The following MAPK8IP3 variants were observed in gnomAD, a reference collection of about 807,000 sequenced individuals.
The protein encoded by MAPK8IP3 is C-Jun-amino-terminal kinase-interacting protein 3.
In MAPK8IP3, 49 loss-of-function variants were observed where a neutral mutation model predicts 157.8. The observed-to-expected ratio is 0.31, with a 90% CI of 0.25 to 0.39. The LOEUF (loss-of-function observed/expected upper bound fraction) is 0.39, where lower values mean the gene tolerates loss of function less well. Among genes scored for constraint, MAPK8IP3 ranks in the 10% least tolerant of loss-of-function variants. MAPK8IP3 has a pLI of 1.00. For missense variants in MAPK8IP3, 1,478 were observed against 1,889.4 expected (o/e 0.78, Z 4.04); for synonymous variants, 897 against 777.7 (o/e 1.15, Z -2.55).
intron 4 of MAPK8IP3, among the ~76,000 whole-genome samples, chr16:1,732,990 C>T (rs553698111): frequency 1.1e-4 from 17 of 152,374 alleles, no homozygotes; most frequent in African/African-American, 3.1e-4. Context: ...TCGCAGCTCC[C>T]GTCTCGTGGC....
chr16:1,724,821 G>C lies in MAPK8IP3; in HGVS notation c.439+144G>C. 1.8e-6 allele frequency: 2 copies of C among 1,104,518 alleles called. No individual in the cohort carries two copies. The highest frequency in any genetic ancestry group is 3.2e-5 in the South Asian group (2 of 61,820). The allele number at this position is 1,104,518 out of a possible 1,614,324, so 68.4% of individuals were successfully genotyped here. On this transcript the variant is annotated intron_variant, in intron 2 of 31. Coordinates refer to ENST00000610761, the MANE Select transcript of MAPK8IP3 (RefSeq NM_001318852.2). This position sits in a 1 kb window ranked among gnomAD's most constrained non-coding sequence, Gnocchi z 4.1. ...CCTCAGCCATGTATTCCAGCTCTTT[G>C]TACTGCTGCCTGTTTCTGTAATGGG...
intron 4 of MAPK8IP3, among the ~76,000 whole-genome samples, chr16:1,739,179 T>G (rs1409984809): frequency 2.8e-4 from 39 of 136,922 alleles, no homozygotes; most frequent in African/African-American, 1.0e-3. Flanking sequence ...ACCATCCATG[T>G]GAGCATCCGT....
chr16:1,737,698 C>G lies in MAPK8IP3; in HGVS notation c.603-5634C>G, dbSNP rs541978360. ...CGTGTGACCGTCCGTGTGTGACCAT[C>G]CATGTGAGCATCTGTGTGACCGTCC... On this transcript the variant is annotated intron_variant, in intron 4 of 31. Transcript: ENST00000610761. Among the ~76,000 whole-genome samples the G allele has an allele frequency of 4.2e-4, 34 of 80,920 alleles. 3 individuals carry two copies. The highest frequency in any genetic ancestry group is 1.6e-4 in the Admixed American group (1 of 6,212). The allele number at this position is 80,920 out of a possible 152,430, so 53.1% of individuals were successfully genotyped here. A position where few individuals can be genotyped will look rare whatever the true frequency, so the allele number is the denominator to read the frequency against.
At chr16:1,745,068 C>T (rs1327943080) in intron 5 of MAPK8IP3, 21 of 985,258 alleles carry the variant, frequency 2.1e-5, no homozygotes, top group Non-Finnish European at 2.3e-5. Context: ...CACTGCTACA[C>T]GTTGATGTTT....
chr16:1,736,028 A>G (rs1229177784), intron 4 of MAPK8IP3, among the ~76,000 whole-genome samples: 44 of 101,198 alleles, frequency 4.3e-4, no homozygotes, highest in South Asian at 1.8e-3. Flanking sequence ...GTGACCGTCC[A>G]TGTGAGCATC....
At chr16:1,763,583 C>A in intron 16 of MAPK8IP3, 74 bp from the exon 17 acceptor site, 3 of 1,406,558 alleles carry the variant, frequency 2.1e-6, no homozygotes, top group Non-Finnish European at 2.8e-6. Context: ...CGTGACCTCC[C>A]CCAGGACAAG....
chr16:1,762,734 A>G lies in MAPK8IP3; in HGVS notation c.1727+3A>G. 6.3e-7 allele frequency: 1 copy of G among 1,580,488 alleles called. No individual in the cohort carries two copies. Among genetic ancestry groups the G allele is most frequent in the Non-Finnish European group, 8.6e-7 (1 of 1,161,314 alleles). On this transcript the variant is annotated splice_donor_region_variant and intron_variant, in intron 15 of 31. Coordinates refer to ENST00000610761, the MANE Select transcript of MAPK8IP3 (RefSeq NM_001318852.2). The stretch of plus-strand genomic sequence containing the variant: ...AAGAAGTCGACCATCTGGCAGTTGT[A>G]AGCTGGGGGCCCCTGGGGGATGTGG...
chr16:1,757,761 G>A (rs1194645901), intron 8 of MAPK8IP3, among the ~76,000 whole-genome samples: 2 of 152,196 alleles, frequency 1.3e-5, no homozygotes, highest in African/African-American at 2.4e-5. Flanking sequence ...CCTCGCCCAC[G>A]CTGGGGGGCT....
rs1221042742 is a variant in MAPK8IP3 at position 1,729,476 on chromosome 16, C to G, written c.511-11C>G. The G allele has an allele frequency of 1.2e-6, 2 of 1,611,076 alleles. No homozygotes were observed. ...ACGGCAGCGCTAATGCAGGCGTTTC[C>G]CTCCTCGCAGATGATACAGACCTAC... On this transcript the variant is annotated splice_polypyrimidine_tract_variant and intron_variant, in intron 3 of 31. Coordinates refer to ENST00000610761, the MANE Select transcript of MAPK8IP3 (RefSeq NM_001318852.2).
Position 1,724,462 on chromosome 16 carries a change from C to T in MAPK8IP3, c.319-95C>T. 1 of 1,502,258 alleles carries T rather than the reference C, an allele frequency of 6.7e-7. No individual in the cohort carries two copies. The highest frequency in any genetic ancestry group is 9.0e-7 in the Non-Finnish European group (1 of 1,115,494). 93.1% of individuals were successfully genotyped at this position (1,502,258 alleles called of 1,614,324 possible). ...CTTGTGGCCCTGGGGACATCTTTGG[C>T]CCCTGGGCCCTCAAAGCCTGCGGCC... is the stretch of plus-strand genomic sequence containing the variant. On this transcript the variant is annotated intron_variant, in intron 1 of 31. Coordinates refer to ENST00000610761, the MANE Select transcript of MAPK8IP3 (RefSeq NM_001318852.2). This position sits in a 1 kb window ranked among gnomAD's most constrained non-coding sequence, Gnocchi z 4.1.
At chr16:1,761,586 T>A (rs2041949535) in intron 13 of MAPK8IP3, among the ~76,000 whole-genome samples, 1 of 148,676 alleles carries the variant, frequency 6.7e-6, no homozygotes, top group Non-Finnish European at 1.5e-5. Context: ...CCATTCACCA[T>A]TCACAGGCAG....
intron 4 of MAPK8IP3, among the ~76,000 whole-genome samples, chr16:1,739,007 C>T (rs2040367710): frequency 7.8e-6 from 1 of 128,286 alleles, no homozygotes; most frequent in Non-Finnish European, 1.6e-5. Context: ...TGTGTGTGAC[C>T]ATCCATGTGA....
intron 4 of MAPK8IP3, among the ~76,000 whole-genome samples, chr16:1,737,899 CGT>C (rs1175072911): frequency 1.4e-4 from 7 of 49,976 alleles, no homozygotes; most frequent in Admixed American, 6.3e-4. Flanking sequence ...TCCGTGTGAG[CGT>C]GTGACCGTCC....
intron 1 of MAPK8IP3, among the ~76,000 whole-genome samples, chr16:1,716,530 C>T (rs756093984): frequency 5.1e-4 from 77 of 151,888 alleles, no homozygotes; most frequent in Middle Eastern, 3.4e-3. Context: ...CTCCTGACCT[C>T]GTGATCCTCC....
chr16:1,711,864 C>A (rs2037793324), intron 1 of MAPK8IP3, among the ~76,000 whole-genome samples: 1 of 149,760 alleles, frequency 6.7e-6, no homozygotes, highest in Non-Finnish European at 1.5e-5. Context: ...CGCTTGAACA[C>A]AGGAGGTAGA....
At position 1,742,189 on chromosome 16, in the gene MAPK8IP3, G is replaced by C. The variant is rs1416617799; in HGVS notation, c.603-1143G>C. Among the ~76,000 whole-genome samples, 1 of 152,180 alleles carries C rather than the reference G, an allele frequency of 6.6e-6. No individual in the cohort carries two copies. Among genetic ancestry groups the C allele is most frequent in the Non-Finnish European group, 1.5e-5 (1 of 68,024 alleles). On this transcript the variant is annotated intron_variant, in intron 4 of 31. Coordinates refer to ENST00000610761, the MANE Select transcript of MAPK8IP3 (RefSeq NM_001318852.2). This position sits in a 1 kb window ranked among gnomAD's most constrained non-coding sequence, Gnocchi z 5.0. ...CCCCCCAGACCTGAGGAGGTGAGGA[G>C]CCAGCCTGGCCTCTGGGACCTCTGG...
Position 1,724,398 on chromosome 16 carries a change from G to A in MAPK8IP3, c.319-159G>A, listed in dbSNP as rs932684991. ...TGAGGAGGGTGGTGGCCACAGCCAC[G>A]TGGCGGGAAGCCCCCATTCCGGCCT... On this transcript the variant is annotated intron_variant, in intron 1 of 31. Transcript: ENST00000610761. The surrounding 1 kb of genome is among the most constrained non-coding windows in gnomAD (Gnocchi z 4.1). Among the ~76,000 whole-genome samples, 4 of 152,228 alleles carry A rather than the reference G, an allele frequency of 2.6e-5. No individual in the cohort carries two copies. Among genetic ancestry groups the A allele is most frequent in the African/African-American group, 7.2e-5 (3 of 41,464 alleles).
At chr16:1,758,429 C>T (rs1459138945) in intron 9 of MAPK8IP3, among the ~76,000 whole-genome samples, 3 of 152,196 alleles carry the variant, frequency 2.0e-5, no homozygotes, top group South Asian at 2.1e-4. Context: ...CCCTAAGCCA[C>T]GCACGGCAGT....
At position 1,706,567 on chromosome 16, in the gene MAPK8IP3, C is replaced by G. The variant is rs758401064; in HGVS notation, c.228C>G (p.His76Gln). Residue 76 changes from histidine (H) to glutamine (Q), a missense_variant, in exon 1 of 32, where the codon CAC becomes CAG. Transcript: ENST00000610761. This position sits in a 1 kb window ranked among gnomAD's most constrained non-coding sequence, Gnocchi z 5.1. ...CGGTGCTCAGCGAGAACCAGGAGCA[C>G]GAGGTGGAGCTGGAGCTGCTGCGCG... ...LDSVLSENQE[H>Q]EVELELLRED... 3 of 1,612,814 alleles carry G rather than the reference C, an allele frequency of 1.9e-6. No individual in the cohort carries two copies. Among genetic ancestry groups the G allele is most frequent in the Non-Finnish European group, 2.5e-6 (3 of 1,179,482 alleles).
Sources: gnomAD v4.1 joint callset for allele counts (sites outside exome capture counted in the v4.1 genomes callset) on GRCh38, gnomAD v4.1.1 for gene constraint, Gnocchi (gnomAD v3.1) non-coding constraint, MANE v1.5 for transcripts, NCBI Gene and HGNC (gene_info 2026-07-23, HGNC 2026-07-21) for gene names.